CCDC154: variants seen among roughly 807,000 people sequenced by gnomAD.
The protein encoded by CCDC154 is coiled-coil domain containing 154.
Under a neutral mutation model 87.5 loss-of-function variants are expected in CCDC154, and 91 were observed. The observed-to-expected ratio is 1.04, with a 90% CI of 0.88 to 1.24. The LOEUF is 1.24. Ranked by LOEUF, CCDC154 falls within the 50% of genes most tolerant of loss-of-function variation. The probability of loss-of-function intolerance (pLI) is 0.00; values close to 1 mark genes in which losing one functional copy is unlikely to be tolerated. For missense variants in CCDC154, 903 were observed against 879.2 expected, an observed-to-expected ratio of 1.03 and a Z score of -0.34; for synonymous variants, 418 against 400.4, an observed-to-expected ratio of 1.04 and a Z score of -0.52.
chr16:1,443,180 G>A (rs2038571673), intron 4 of CCDC154, 81 bp downstream of exon 4: 2 of 1,493,050 alleles, frequency 1.3e-6, no homozygotes, highest in Non-Finnish European at 1.8e-6. Context: ...GGGAGATGTG[G>A]ACCCCCCACC....
rs937318894 is a variant in CCDC154, at chr16:1,434,934, G to C, written c.1693-82C>G. 2.8e-6 allele frequency: 4 copies of C among 1,435,730 alleles called. No homozygotes were observed. The African/African-American group carries it at 5.7e-5, about 21-fold the overall frequency. 88.9% of individuals were successfully genotyped at this position (1,435,730 alleles called of 1,614,324 possible). On this transcript the variant is annotated intron_variant, in intron 15 of 16. Coordinates refer to ENST00000389176, the MANE Select transcript of CCDC154 (RefSeq NM_001143980.3). The stretch of plus-strand genomic sequence containing the variant: ...CAAACGGGGGCTTATCTCCCACCGG[G>C]AGCCTGGAAGCCATTTATCTTCAGG...
chr16:1,437,077 G>C, intron 11 of CCDC154: 1 of 505,974 alleles, frequency 2.0e-6, no homozygotes, highest in Non-Finnish European at 3.5e-6. Context: ...GGCAGGCCCC[G>C]GTGGGACCCA....
chr16:1,443,050 G>A (rs1039419469), intron 4 of CCDC154, 75 bp from the exon 5 acceptor site: 1 of 1,505,330 alleles, frequency 6.6e-7, no homozygotes, highest in Non-Finnish European at 9.0e-7. Context: ...TCTGGCCAAG[G>A]GGCCCCTGTG....
At position 1,444,212 on chromosome 16, in the gene CCDC154, G is replaced by A. The variant is rs2038588763; in HGVS notation, c.7+104C>T. The A allele has an allele frequency of 4.1e-6, 5 of 1,207,920 alleles. No homozygotes were observed. In the Admixed American group the frequency reaches 1.3e-4, roughly 31 times the overall value. 74.8% of individuals were successfully genotyped at this position (1,207,920 alleles called of 1,614,324 possible). A position where few individuals can be genotyped will look rare whatever the true frequency, so the allele number is the denominator to read the frequency against. On this transcript the variant is annotated intron_variant, in intron 1 of 16. Transcript: ENST00000389176. ...TGAAGACACACAGCACTGGGCGGCA[G>A]GAACAAGCGAGCTGGAGGGAGCCCG... is the stretch of plus-strand genomic sequence containing the variant.
At chr16:1,437,494 A>G (rs887200723) in intron 11 of CCDC154, 2 of 339,366 alleles carry the variant, frequency 5.9e-6, no homozygotes, top group Non-Finnish European at 1.1e-5. Context: ...CAGAGCTGTT[A>G]CACAGTGAAC....
rs1281008095 is a variant in CCDC154, at chr16:1,436,730, G to A, written c.1372C>T (p.Arg458Ter). Residue 458 changes from arginine to a stop codon, truncating the protein, a stop_gained, in exon 12 of 17, where the codon CGA becomes TGA. Transcript: ENST00000389176. LOFTEE classifies it high-confidence loss of function. ...RWRKEVTEHL[R>*]GVREKVDGLP... ...CCATCCACCTTCTCCCGCACCCCTC[G>A]CAGGTGTTCGGTCACCTCCTTCCGC... The A allele has an allele frequency of 2.4e-5, 37 of 1,550,356 alleles. No individual in the cohort carries two copies. Among genetic ancestry groups the A allele is most frequent in the African/African-American group, 1.1e-4 (8 of 73,164 alleles).
Position 1,437,825 on chromosome 16 carries a change from G to C in CCDC154, c.1282C>G (p.Leu428Val). 6.5e-7 allele frequency: 1 copy of C among 1,534,482 alleles called. No individual in the cohort carries two copies. Among genetic ancestry groups the C allele is most frequent in the Non-Finnish European group, 8.7e-7 (1 of 1,144,020 alleles). ...CCCGCTGCCTGGCGCACCTCGGACAGCCTGAGGCCCAGCATCTGCTCCTGC... is the reference window on the plus strand; with the variant it reads ...CCCGCTGCCTGGCGCACCTCGGACACCCTGAGGCCCAGCATCTGCTCCTGC... ...DLQEQMLGLR[L>V]SEAKTEWEGA... is the part of the protein sequence containing the mutation. The change falls in exon 11 of 17, where the codon CTG (leucine) becomes GTG (valine). Residue 428 changes from leucine to valine, a missense_variant. Leu to Val is a conservative substitution (Grantham distance 32). Transcript: ENST00000389176.
chr16:1,443,057 T>C (rs1188267805), intron 4 of CCDC154, 82 bp from the exon 5 acceptor site: 4 of 1,483,340 alleles, frequency 2.7e-6, no homozygotes, highest in Non-Finnish European at 9.2e-7. Context: ...AAGGGGCCCC[T>C]GTGGCCACCT....
At chr16:1,441,403 G>A (rs1369674325) in intron 6 of CCDC154, among the ~76,000 whole-genome samples, 4 of 152,222 alleles carry the variant, frequency 2.6e-5, no homozygotes, top group South Asian at 2.1e-4. Context: ...TGCCTGATGC[G>A]CACGGGAGCT....
At chr16:1,436,902 G>A (rs1596203037) in intron 11 of CCDC154, 91 bp from the exon 12 acceptor site, 16 of 1,493,024 alleles carry the variant, frequency 1.1e-5, no homozygotes, top group Admixed American at 4.1e-5. Context: ...GGGAGCAGGC[G>A]GCCCCCACCC....
At chr16:1,434,616 T>C (rs2038482817) in intron 16 of CCDC154, 52 bp downstream of exon 16, 1 of 1,245,512 alleles carries the variant, frequency 8.0e-7, no homozygotes, top group Admixed American at 2.6e-5. Flanking sequence ...CCCCCAGCCC[T>C]GAACCCCGGC....
At chr16:1,443,439 C>A (rs1356049208) in intron 3 of CCDC154, 67 bp downstream of exon 3, 2 of 1,430,952 alleles carry the variant, frequency 1.4e-6, no homozygotes, top group Non-Finnish European at 1.8e-6. Flanking sequence ...GGCTCCAGGC[C>A]CAGAAGCAGC....
Position 1,438,989 on chromosome 16 carries a change from G to C in CCDC154, c.777+36C>G, listed in dbSNP as rs3751896. 213 of 1,549,652 alleles carry C rather than the reference G, an allele frequency of 1.4e-4. 1 individual carries two copies. In the East Asian group the frequency reaches 3.1e-3, roughly 23 times the overall value. ...CAGCTGCAGGTCTGCGTCTGGGAAG[G>C]GGGGCAGGGCAGGCCAGCCGCGGGC... is the stretch of plus-strand genomic sequence containing the variant. On this transcript the variant is annotated intron_variant, in intron 7 of 16. Transcript: ENST00000389176.
Position 1,441,760 on chromosome 16 carries a change from G to A in CCDC154, c.675+646C>T, listed in dbSNP as rs372085467. On this transcript the variant is annotated intron_variant, in intron 6 of 16. Coordinates refer to ENST00000389176, the MANE Select transcript of CCDC154 (RefSeq NM_001143980.3). ...AAGAGCGCCCAGATCTGCAGCTGCC[G>A]GCCCCACGTGGCAACTGAGCTTTTT... Among the ~76,000 whole-genome samples, 207 of 152,250 alleles carry A rather than the reference G, an allele frequency of 1.4e-3. 1 individual carries two copies. Among genetic ancestry groups the A allele is most frequent in the African/African-American group, 4.6e-3 (189 of 41,536 alleles).
chr16:1,434,687 C>T lies in CCDC154; in HGVS notation c.1858G>A (p.Gly620Ser). The T allele has an allele frequency of 2.6e-6, 4 of 1,546,788 alleles. No individual in the cohort carries two copies. In the South Asian group the frequency reaches 3.6e-5, roughly 14 times the overall value. Residue 620 changes from glycine (G) to serine (S), a missense_variant, in exon 16 of 17, where the codon GGC (glycine) becomes AGC (serine). Physicochemically the swap from Gly to Ser is moderately conservative, Grantham distance 56. Coordinates refer to ENST00000389176, the MANE Select transcript of CCDC154 (RefSeq NM_001143980.3). ...GCCCACCTCACAGCCTGGTACACGC[C>T]CCAGCAGTTCATGGGCACCACCTTG... ...PGKVVPMNCW[G>S]VYQAVRWLRW...
chr16:1,442,755 C>T (rs749048355), intron 5 of CCDC154, 125 bp downstream of exon 5: 80 of 1,120,558 alleles, frequency 7.1e-5, no homozygotes, highest in Non-Finnish European at 9.6e-5. Context: ...CGCTTGGCAC[C>T]GAGGGCGGTG....
In CCDC154 at chr16:1,444,388, G is replaced by A. The variant is rs572908680; in HGVS notation, c.-66C>T. The A allele has an allele frequency of 4.7e-6, 6 of 1,287,462 alleles. No homozygotes were observed. In the African/African-American group the frequency reaches 6.1e-5, roughly 13 times the overall value. 79.8% of individuals were successfully genotyped at this position (1,287,462 alleles called of 1,614,324 possible). On this transcript the variant is annotated 5_prime_UTR_variant, in exon 1 of 17. Transcript: ENST00000389176. ...CTTGGGCCTTGGGGCCTCTGAGGTT[G>A]CCCAGAGCTGGGCACAGGCCAGGGG...
At position 1,443,529 on chromosome 16, in the gene CCDC154, C is replaced by T. The variant is rs1294131317; in HGVS notation, c.391G>A (p.Ala131Thr). Residue 131 changes from alanine (A) to threonine (T), a missense_variant, in exon 3 of 17, where the codon GCC becomes ACC. Ala to Thr is a moderately conservative substitution (Grantham distance 58). Coordinates refer to ENST00000389176, the MANE Select transcript of CCDC154 (RefSeq NM_001143980.3). ...ACCTCCGGCGCCTCCTTTTCGGGGG[C>T]CTGGGCTGCCGGCCGCGCCTCCTGC... ...LQQEARPAAQAPEKEAPEFSG... is the reference protein window; with the variant it reads ...LQQEARPAAQTPEKEAPEFSG... 7 of 1,478,018 alleles carry T rather than the reference C, an allele frequency of 4.7e-6. No homozygotes were observed. In the South Asian group the frequency reaches 6.6e-5, roughly 14 times the overall value. 91.6% of individuals were successfully genotyped at this position (1,478,018 alleles called of 1,614,324 possible). A position where few individuals can be genotyped will look rare whatever the true frequency, so the allele number is the denominator to read the frequency against.
rs754214235 is a variant in CCDC154, at chr16:1,438,798, C to T, written c.906+17G>A. The T allele has an allele frequency of 9.5e-5, 147 of 1,540,150 alleles. No homozygotes were observed. In the East Asian group the frequency reaches 2.2e-3, roughly 23 times the overall value. On this transcript the variant is annotated intron_variant, in intron 8 of 16. Coordinates refer to ENST00000389176, the MANE Select transcript of CCDC154 (RefSeq NM_001143980.3). ...CCCGGCCCCGGCCCCACCTGCCCGC[C>T]GCCCGCCCGGCCCCACCTCATGCTG...
Sources: allele counts gnomAD v4.1 joint callset (sites outside exome capture counted in the v4.1 genomes callset), GRCh38; gene constraint gnomAD v4.1.1; transcripts MANE v1.5; gene names NCBI Gene and HGNC (gene_info 2026-07-23, HGNC 2026-07-21).